Variants in TAF3 observed in about 807,000 individuals in gnomAD.
TAF3 encodes the protein transcription initiation factor TFIID subunit 3.
TAF3 carries 7 observed loss-of-function variants against 80.6 expected under a neutral mutation model. The observed-to-expected ratio is 0.09, with a 90% confidence interval of 0.05 to 0.16. The LOEUF is 0.16. TAF3 is among the 10% of genes least tolerant of loss of function. TAF3 has a pLI of 1.00. For synonymous variants in TAF3, 444 were observed against 446.1 expected (o/e 1.00, Z 0.06); for missense variants, 921 against 1,140.2 (o/e 0.81, Z 2.77).
intron 2 of TAF3, among the ~76,000 whole-genome samples, chr10:7,959,556 T>C (rs1215355288): frequency 1.3e-5 from 2 of 151,956 alleles, no homozygotes; most frequent in African/African-American, 4.8e-5. Context: ...GCTTGTGGAG[T>C]CTTACTTTAA....
At chr10:8,008,050 G>GCAT (rs1035435493) in intron 4 of TAF3, among the ~76,000 whole-genome samples, 16 of 150,236 alleles carry the variant, frequency 1.1e-4, no homozygotes, top group Non-Finnish European at 2.2e-4. Flanking sequence ...AGCTGCCGCT[G>GCAT]CATTACCTCC....
chr10:7,988,013 G>A (rs890055129), intron 4 of TAF3, among the ~76,000 whole-genome samples: 4 of 152,056 alleles, frequency 2.6e-5, no homozygotes, highest in Non-Finnish European at 5.9e-5. Context: ...TGGAGTACAT[G>A]TATCAAATTC....
intron 2 of TAF3, among the ~76,000 whole-genome samples, chr10:7,858,776 T>A (rs1165307864): frequency 1.3e-5 from 2 of 152,118 alleles, no homozygotes; most frequent in Non-Finnish European, 2.9e-5. Context: ...AACATTATCA[T>A]CATCAGATTT....
intron 4 of TAF3, among the ~76,000 whole-genome samples, chr10:7,981,486 T>C (rs531006402): frequency 1.3e-5 from 2 of 152,342 alleles, no homozygotes; most frequent in Admixed American, 1.3e-4. Flanking sequence ...ATTGGAACCA[T>C]TTGAGATGCC....
chr10:7,922,816 T>A (rs1267777860), intron 2 of TAF3, among the ~76,000 whole-genome samples: 1 of 152,092 alleles, frequency 6.6e-6, no homozygotes, highest in Non-Finnish European at 1.5e-5. Context: ...TAGAAATCAC[T>A]TGGAGTTCAT....
chr10:7,990,148 A>G (rs1831820324), intron 4 of TAF3, among the ~76,000 whole-genome samples: 1 of 152,192 alleles, frequency 6.6e-6, no homozygotes, highest in African/African-American at 2.4e-5. Context: ...AATGTGTGTT[A>G]TAACCCAACT....
At chr10:7,912,282 T>TA (rs1486982370) in intron 2 of TAF3, among the ~76,000 whole-genome samples, 1 of 151,952 alleles carries the variant, frequency 6.6e-6, no homozygotes, top group Non-Finnish European at 1.5e-5. Context: ...AAAAAAGAAA[T>TA]GGAGACAGGG....
At chr10:7,965,848 C>T (rs1458226536) in intron 3 of TAF3, 106 bp downstream of exon 3, 3 of 1,356,148 alleles carry the variant, frequency 2.2e-6, no homozygotes, top group Admixed American at 5.7e-5. Context: ...AATCACCCAT[C>T]ACTTAAGTGG....
At chr10:7,881,310 C>CT in intron 2 of TAF3, among the ~76,000 whole-genome samples, 1 of 151,732 alleles carries the variant, frequency 6.6e-6, no homozygotes, top group East Asian at 1.9e-4. Flanking sequence ...TGTCGCAATA[C>CT]TTTACTGTAT....
chr10:7,995,557 GA>G (rs1831879980), intron 4 of TAF3, among the ~76,000 whole-genome samples: 1 of 152,068 alleles, frequency 6.6e-6, no homozygotes, highest in Non-Finnish European at 1.5e-5. Context: ...TTATGATTCG[GA>G]ACATTTGACA....
At chr10:7,835,184 A>T (rs1000286732) in intron 2 of TAF3, among the ~76,000 whole-genome samples, 1 of 152,186 alleles carries the variant, frequency 6.6e-6, no homozygotes, top group African/African-American at 2.4e-5. Flanking sequence ...GCCACACATA[A>T]AATACACTAA....
intron 2 of TAF3, among the ~76,000 whole-genome samples, chr10:7,826,573 A>G (rs1474248732): frequency 6.6e-6 from 1 of 152,242 alleles, no homozygotes; most frequent in Non-Finnish European, 1.5e-5. Flanking sequence ...TATGCAAACA[A>G]TATAAATTAT....
intron 2 of TAF3, among the ~76,000 whole-genome samples, chr10:7,906,201 T>A (rs79998736): frequency 0.013 from 1,915 of 152,332 alleles, 11 homozygotes; most frequent in Non-Finnish European, 0.021. Context: ...CTACTGAAGT[T>A]ATAGTTTCAG....
At chr10:8,011,916 G>A (rs984886603) in intron 5 of TAF3, among the ~76,000 whole-genome samples, 1 of 152,146 alleles carries the variant, frequency 6.6e-6, no homozygotes, top group African/African-American at 2.4e-5. Context: ...GGTGTCTCAC[G>A]CCTATAATCC....
At chr10:7,845,953 G>GT (rs1400264142) in intron 2 of TAF3, among the ~76,000 whole-genome samples, 16 of 129,844 alleles carry the variant, frequency 1.2e-4, no homozygotes, top group South Asian at 1.1e-3. Flanking sequence ...TGGTTTGTGT[G>GT]TTTTTGTTTT....
rs777551830 is a variant in TAF3, at chr10:7,965,168, G to A, written c.1658G>A (p.Ser553Asn). ...GAAAAAGACAAGAACAAGGACAAAA[G>A]TAAGGAGAAGGATAAAGTGAAAGAG... ...EREKDKNKDK[S>N]KEKDKVKEKE... The change falls in exon 3 of 7, where the codon AGT becomes AAT. Residue 553 changes from serine to asparagine, a missense_variant. Ser to Asn is a conservative substitution (Grantham distance 46). This residue lies in a region of TAF3 where 743 missense variants were observed against 821.0 expected (regional missense o/e 0.90). Transcript: ENST00000344293. The A allele has an allele frequency of 2.5e-6, 4 of 1,610,172 alleles. No homozygotes were observed. The highest frequency in any genetic ancestry group is 1.3e-5 in the African/African-American group (1 of 74,412).
rs1425630477 is a variant in TAF3, at chr10:7,819,687, G to GCTC, written c.166+813_166+814insTCC. On this transcript the variant is annotated intron_variant, in intron 1 of 6. Transcript: ENST00000344293. ...CTCCACATTATCTTGTTGATGTGAA[G>GCTC]CATTGTATGTGTGTTTGTTGAGGAG... 5.3e-3 allele frequency among the ~76,000 whole-genome samples: 814 copies of GCTC among 152,294 alleles called. 13 individuals are homozygous for GCTC. Among genetic ancestry groups the GCTC allele is most frequent in the African/African-American group, 0.019 (787 of 41,538 alleles).
chr10:7,910,426 G>A (rs1837646786), intron 2 of TAF3, among the ~76,000 whole-genome samples: 1 of 151,348 alleles, frequency 6.6e-6, no homozygotes, highest in Non-Finnish European at 1.5e-5. Context: ...CATTGCCTAG[G>A]CTGGAGTGCA....
chr10:7,977,151 T>C (rs1417060601), intron 3 of TAF3, 90 bp from the exon 4 acceptor site: 29 of 1,248,952 alleles, frequency 2.3e-5, no homozygotes, highest in Non-Finnish European at 3.0e-5. Flanking sequence ...ACTTTTTAAC[T>C]CAGTTTGTGA....
Sources: allele counts gnomAD v4.1 joint callset (sites outside exome capture counted in the v4.1 genomes callset), GRCh38; gene constraint gnomAD v4.1.1; regional missense constraint gnomAD v4.1.1; transcripts MANE v1.5; gene names NCBI Gene and HGNC (gene_info 2026-07-23, HGNC 2026-07-21).